The following HMCN1 variants were observed in gnomAD, a reference collection of about 807,000 sequenced individuals.
HMCN1 encodes hemicentin-1.
In HMCN1, 321 loss-of-function variants were observed where a neutral mutation model predicts 625.9. The observed-to-expected ratio is 0.51, with a 90% CI of 0.47 to 0.56. The LOEUF is 0.56. HMCN1 is among the 20% of genes least tolerant of loss of function. HMCN1 has a pLI of 0.00. For synonymous variants in HMCN1, 2,425 were observed against 2,417.6 expected (o/e 1.00, Z -0.09); for missense variants, 6,588 against 6,887.3 (o/e 0.96, Z 1.54).
At chr1:185,763,273 A>G (rs1345884290) in intron 1 of HMCN1, among the ~76,000 whole-genome samples, 3 of 152,148 alleles carry the variant, frequency 2.0e-5, no homozygotes, top group South Asian at 2.1e-4. Flanking sequence ...GACAACCACA[A>G]GGTGAACTTA....
At chr1:185,952,283 T>C (rs57581845) in intron 11 of HMCN1, among the ~76,000 whole-genome samples, 5,424 of 151,268 alleles carry the variant, frequency 0.036, 351 homozygotes, top group African/African-American at 0.12. Context: ...GGGGAGGTGA[T>C]AAAAAGATTA....
intron 19 of HMCN1, among the ~76,000 whole-genome samples, chr1:185,986,755 G>A (rs1652019064): frequency 6.6e-6 from 1 of 150,872 alleles, no homozygotes; most frequent in Non-Finnish European, 1.5e-5. Flanking sequence ...CACTTTGGGA[G>A]GCTGTGGCAG....
chr1:186,104,612 A>G (rs1479880991), intron 69 of HMCN1, among the ~76,000 whole-genome samples: 1 of 152,142 alleles, frequency 6.6e-6, no homozygotes, highest in Non-Finnish European at 1.5e-5. Context: ...CTGTGAGGCA[A>G]TGTGTCTATC....
At chr1:185,928,195 C>T (rs557937092) in intron 9 of HMCN1, among the ~76,000 whole-genome samples, 122 of 152,186 alleles carry the variant, frequency 8.0e-4, no homozygotes, top group African/African-American at 2.9e-3. Flanking sequence ...AAGATTCCTA[C>T]TGACATGACC....
chr1:185,792,136 A>G (rs572526303), intron 1 of HMCN1, among the ~76,000 whole-genome samples: 1 of 152,354 alleles, frequency 6.6e-6, no homozygotes, highest in Non-Finnish European at 1.5e-5. Context: ...AGGTCATTTT[A>G]GAAGGATAAC....
intron 36 of HMCN1, among the ~76,000 whole-genome samples, chr1:186,036,448 T>C (rs1406127541): frequency 6.6e-6 from 1 of 152,086 alleles, no homozygotes; most frequent in African/African-American, 2.4e-5. Flanking sequence ...TCAGATCCCA[T>C]GAGACTTATT....
Position 186,159,966 on chromosome 1 carries a change from C to G in HMCN1, c.15257-5145C>G, listed in dbSNP as rs556291357. On this transcript the variant is annotated intron_variant, in intron 97 of 106. Coordinates refer to ENST00000271588, the MANE Select transcript of HMCN1 (RefSeq NM_031935.3). ...GAGTTAGGGAGGATTCCCTCTTTTT[C>G]TATTGATTGGAATAGTTTCAGAAGG... 2.1e-3 allele frequency among the ~76,000 whole-genome samples: 311 copies of G among 151,676 alleles called. 1 individual carries two copies. The highest frequency in any genetic ancestry group is 5.3e-3 in the African/African-American group (218 of 41,342).
intron 14 of HMCN1, among the ~76,000 whole-genome samples, chr1:185,969,015 CA>C (rs550290670): frequency 6.6e-6 from 1 of 151,966 alleles, no homozygotes; most frequent in Admixed American, 6.6e-5. Context: ...AAGCTACTAG[CA>C]AAAAAGTCTT....
intron 68 of HMCN1, among the ~76,000 whole-genome samples, chr1:186,100,067 G>C (rs565755110): frequency 6.6e-6 from 1 of 152,022 alleles, no homozygotes; most frequent in Non-Finnish European, 1.5e-5. Flanking sequence ...GCAGGGGGAG[G>C]GGGAGAGCGG....
chr1:186,018,501 AT>A, intron 34 of HMCN1, 149 bp downstream of exon 34: 1 of 810,176 alleles, frequency 1.2e-6, no homozygotes, highest in Non-Finnish European at 2.0e-6. Context: ...GTATGCCAGA[AT>A]TTTTAGTTAC....
intron 1 of HMCN1, among the ~76,000 whole-genome samples, chr1:185,836,307 G>A (rs114698436): frequency 0.018 from 2,750 of 152,100 alleles, 86 homozygotes; most frequent in African/African-American, 0.058. Context: ...TTGAAAAATA[G>A]AAAATACTCA....
chr1:185,852,060 C>T (rs892224882), intron 2 of HMCN1, among the ~76,000 whole-genome samples: 1 of 151,590 alleles, frequency 6.6e-6, no homozygotes, highest in African/African-American at 2.4e-5. Context: ...AGGGTGAGGT[C>T]CAGGAGAATA....
chr1:186,088,225 A>G lies in HMCN1; in HGVS notation c.9526A>G (p.Thr3176Ala), dbSNP rs976055690. 2.5e-6 allele frequency: 4 copies of G among 1,612,876 alleles called. No homozygotes were observed. The African/African-American group carries it at 5.3e-5, about 22-fold the overall frequency. Residue 3176 changes from threonine to alanine, a missense_variant, in exon 62 of 107, where the codon ACT (threonine) becomes GCT (alanine). Thr to Ala is a moderately conservative substitution (Grantham distance 58, BLOSUM62 0). Transcript: ENST00000271588. ...TCCTGTGACATTAACATGTGATGCC[A>G]CTGGGATCCCACCTCCCACGATAGC... ...SNPVTLTCDATGIPPPTIAWL... is the reference protein window; with the variant it reads ...SNPVTLTCDAAGIPPPTIAWL...
At chr1:185,885,645 TCTGTTA>T (rs1021037399) in intron 4 of HMCN1, among the ~76,000 whole-genome samples, 9 of 152,114 alleles carry the variant, frequency 5.9e-5, no homozygotes, top group African/African-American at 2.2e-4. Context: ...TGCTTATTGC[TCTGTTA>T]CTAAGATTTA....
intron 1 of HMCN1, among the ~76,000 whole-genome samples, chr1:185,798,080 C>T (rs951822565): frequency 2.1e-4 from 28 of 133,322 alleles, no homozygotes; most frequent in African/African-American, 5.9e-4. Context: ...TTGTGCATTT[C>T]TTCTAGGACC....
At chr1:186,067,058 C>T (rs1243317483) in intron 49 of HMCN1, among the ~76,000 whole-genome samples, 1 of 152,120 alleles carries the variant, frequency 6.6e-6, no homozygotes, top group Non-Finnish European at 1.5e-5. Context: ...ACTATTTTCC[C>T]TTCCTAAATG....
At chr1:185,982,505 A>G in intron 18 of HMCN1, 116 bp downstream of exon 18, 1 of 947,120 alleles carries the variant, frequency 1.1e-6, no homozygotes, top group Admixed American at 2.3e-5. Flanking sequence ...CAGTGGTGGG[A>G]TCTAGGCTCA....
intron 36 of HMCN1, among the ~76,000 whole-genome samples, chr1:186,027,698 A>G (rs905365798): frequency 3.3e-5 from 5 of 152,080 alleles, no homozygotes; most frequent in African/African-American, 9.7e-5. Context: ...GGCAAAACAC[A>G]TATTTGATTT....
intron 23 of HMCN1, among the ~76,000 whole-genome samples, chr1:185,994,065 A>G (rs1419043295): frequency 1.3e-5 from 2 of 152,142 alleles, no homozygotes; most frequent in Non-Finnish European, 2.9e-5. Flanking sequence ...ATCATAAACT[A>G]TATAAGGTTG....
Sources: allele counts gnomAD v4.1 joint callset (sites outside exome capture counted in the v4.1 genomes callset), GRCh38; gene constraint gnomAD v4.1.1; transcripts MANE v1.5; gene names NCBI Gene and HGNC (gene_info 2026-07-23, HGNC 2026-07-21).